NFATC3: variants seen among roughly 807,000 people sequenced by gnomAD.
NFATC3 encodes the protein nuclear factor of activated T cells 3.
Under a neutral mutation model 98.6 loss-of-function variants are expected in NFATC3, and 46 were observed. The ratio of observed to expected loss-of-function variants is 0.47; its 90% CI spans 0.37 to 0.60. NFATC3 has a LOEUF of 0.60. Among genes scored for constraint, NFATC3 ranks in the 20% least tolerant of loss-of-function variants. The pLI is 0.00. For synonymous variants in NFATC3, 512 were observed against 472.2 expected (o/e 1.08, Z -1.09); for missense variants, 1,256 against 1,295.5 (o/e 0.97, Z 0.47).
chr16:68,147,912 A>G (rs542985950), intron 3 of NFATC3, among the ~76,000 whole-genome samples: 2 of 152,282 alleles, frequency 1.3e-5, no homozygotes, highest in Admixed American at 1.3e-4. Context: ...CAGATAAACC[A>G]AAAGAGTAAT....
At chr16:68,101,611 G>A (rs1247074537) in intron 1 of NFATC3, among the ~76,000 whole-genome samples, 2 of 151,744 alleles carry the variant, frequency 1.3e-5, no homozygotes, top group African/African-American at 4.8e-5. Flanking sequence ...AGCCTCCCAA[G>A]TAGCTGGGAC....
intron 6 of NFATC3, among the ~76,000 whole-genome samples, chr16:68,180,900 A>G (rs1013197253): frequency 1.3e-5 from 2 of 152,178 alleles, no homozygotes; most frequent in Admixed American, 1.3e-4. Context: ...AATCCAGTCT[A>G]TCATTCATGG....
At chr16:68,164,508 A>T (rs112133697) in intron 4 of NFATC3, among the ~76,000 whole-genome samples, 1 of 152,310 alleles carries the variant, frequency 6.6e-6, no homozygotes, top group Middle Eastern at 3.4e-3. Context: ...TAAATATAGG[A>T]TGCCAGTATT....
intron 9 of NFATC3, among the ~76,000 whole-genome samples, chr16:68,224,151 A>G (rs1263337309): frequency 6.7e-6 from 1 of 149,716 alleles, no homozygotes; most frequent in Non-Finnish European, 1.5e-5. Context: ...AAAAAAGCTT[A>G]TCACTTAGTA....
chr16:68,150,870 T>C (rs2151560733), intron 3 of NFATC3, among the ~76,000 whole-genome samples: 1 of 152,300 alleles, frequency 6.6e-6, no homozygotes, highest in South Asian at 2.1e-4. Context: ...TAGTTTTTCC[T>C]GTATTCATTC....
intron 3 of NFATC3, among the ~76,000 whole-genome samples, chr16:68,138,979 T>C (rs182541246): frequency 6.6e-5 from 10 of 152,356 alleles, no homozygotes; most frequent in Admixed American, 5.2e-4. Context: ...TTCACCTATC[T>C]ATCCATTTAC....
In NFATC3 at chr16:68,191,558, G is replaced by T. The variant is rs768334862; in HGVS notation, c.2889G>T (p.Pro963=). The change falls in exon 9 of 10, where the codon CCG becomes CCT. Residue 963 remains proline (P), a synonymous_variant. Coordinates refer to ENST00000346183, the MANE Select transcript of NFATC3 (RefSeq NM_173165.3). ...QSPSSGTASS[P]SPATRMHSGQ... ...CTAGCTCAGGAACTGCCTCATCACC[G>T]TCTCCAGCCACCAGAATGCATTCTG... 1 of 1,614,032 alleles carries T rather than the reference G, an allele frequency of 6.2e-7. No homozygotes were observed.
At chr16:68,105,397 T>G (rs1211461194) in intron 1 of NFATC3, among the ~76,000 whole-genome samples, 5 of 152,100 alleles carry the variant, frequency 3.3e-5, no homozygotes. Flanking sequence ...TTGTGTGGAT[T>G]TTTTTTCTTC....
At chr16:68,119,812 G>A (rs1350281372) in intron 1 of NFATC3, among the ~76,000 whole-genome samples, 1 of 151,906 alleles carries the variant, frequency 6.6e-6, no homozygotes, top group Non-Finnish European at 1.5e-5. Flanking sequence ...ATTTTGTTTT[G>A]TTTACCATGG....
At chr16:68,198,209 T>C (rs1437371133) in intron 9 of NFATC3, among the ~76,000 whole-genome samples, 1 of 152,102 alleles carries the variant, frequency 6.6e-6, no homozygotes, top group Non-Finnish European at 1.5e-5. Context: ...TACCAGCTAC[T>C]TGGGAGGCTG....
At chr16:68,125,100 T>C (rs978522562) in intron 2 of NFATC3, among the ~76,000 whole-genome samples, 1 of 152,256 alleles carries the variant, frequency 6.6e-6, no homozygotes, top group Non-Finnish European at 1.5e-5. Flanking sequence ...ATTATGGTAA[T>C]GAAGACACCT....
intron 4 of NFATC3, among the ~76,000 whole-genome samples, chr16:68,160,153 T>A (rs1341308123): frequency 6.6e-6 from 1 of 152,200 alleles, no homozygotes; most frequent in African/African-American, 2.4e-5. Flanking sequence ...TTAGATGAGC[T>A]GAGTGTACTC....
chr16:68,174,315 T>A (rs2039593704), intron 5 of NFATC3, 59 bp from the exon 6 acceptor site: 2 of 1,267,410 alleles, frequency 1.6e-6, no homozygotes. Context: ...CATTTATGTA[T>A]CAAAGATTTT....
At chr16:68,169,660 G>A (rs1025400748) in intron 5 of NFATC3, among the ~76,000 whole-genome samples, 1 of 151,982 alleles carries the variant, frequency 6.6e-6, no homozygotes, top group Non-Finnish European at 1.5e-5. Context: ...AATAAAATTG[G>A]CCAGGCGCCG....
At chr16:68,182,276 T>C (rs1435042767) in intron 7 of NFATC3, among the ~76,000 whole-genome samples, 1 of 152,182 alleles carries the variant, frequency 6.6e-6, no homozygotes, top group Non-Finnish European at 1.5e-5. Context: ...TAGTTAAGCT[T>C]TCTAGGATTC....
chr16:68,089,723 A>G (rs1055967994), intron 1 of NFATC3, among the ~76,000 whole-genome samples: 1 of 152,192 alleles, frequency 6.6e-6, no homozygotes. Context: ...ATTGTTTGCC[A>G]TTATAAAGGG....
intron 3 of NFATC3, among the ~76,000 whole-genome samples, chr16:68,145,576 C>T (rs531196700): frequency 6.6e-6 from 1 of 152,312 alleles, no homozygotes; most frequent in Non-Finnish European, 1.5e-5. Flanking sequence ...ACAACTTGGA[C>T]AGTTCTCCAT....
At chr16:68,095,743 TG>T (rs1216088531) in intron 1 of NFATC3, among the ~76,000 whole-genome samples, 2 of 152,148 alleles carry the variant, frequency 1.3e-5, no homozygotes, top group East Asian at 3.9e-4. Context: ...TCAGAGTCCT[TG>T]GGGATGGGCA....
chr16:68,191,509 T>G lies in NFATC3; in HGVS notation c.2840T>G (p.Leu947Arg), dbSNP rs1472890497. 2.5e-6 allele frequency: 4 copies of G among 1,614,116 alleles called. No individual in the cohort carries two copies. The highest frequency in any genetic ancestry group is 3.4e-6 in the Non-Finnish European group (4 of 1,180,016). Residue 947 changes from leucine (L) to arginine (R), a missense_variant, in exon 9 of 10, where the codon CTT (leucine) becomes CGT (arginine). Physicochemically the swap from Leu to Arg is moderately radical, Grantham distance 102 (BLOSUM62 -2). Around this residue, in one of 3 missense-constraint regions of NFATC3, gnomAD observed 636 missense variants for 617.3 expected, o/e 1.03. Transcript: ENST00000346183. ...CTTTCTGGGCCACCATCTCCTCAGC[T>G]TCAGCCTATGCCTTACCAATCTCCT... ...SPLSGPPSPQ[L>R]QPMPYQSPSS...
Sources: gnomAD v4.1 joint callset for allele counts (sites outside exome capture counted in the v4.1 genomes callset) on GRCh38, gnomAD v4.1.1 for gene constraint, gnomAD v4.1.1 regional missense constraint, MANE v1.5 for transcripts, NCBI Gene and HGNC (gene_info 2026-07-23, HGNC 2026-07-21) for gene names.